The following C19orf44 variants were observed in gnomAD, a reference collection of about 807,000 sequenced individuals.
C19orf44 encodes chromosome 19 open reading frame 44.
In C19orf44, 43 loss-of-function variants were observed where a neutral mutation model predicts 50.7. The ratio of observed to expected loss-of-function variants is 0.85; its 90% CI spans 0.66 to 1.09. C19orf44 has a LOEUF of 1.09. Among genes scored for constraint, C19orf44 ranks in the 50% least tolerant of loss-of-function variants. C19orf44 has a pLI of 0.00. For synonymous variants in C19orf44, 298 were observed against 334.7 expected (o/e 0.89, Z 1.20); for missense variants, 722 against 836.2 (o/e 0.86, Z 1.68).
rs781475450 is a variant in C19orf44 at position 16,519,685 on chromosome 19, C to T, written c.*41-409C>T. The T allele has an allele frequency of 1.7e-5, 27 of 1,613,732 alleles. No individual in the cohort carries two copies. The highest frequency in any genetic ancestry group is 1.6e-4 in the Middle Eastern group (1 of 6,084). On this transcript the variant is annotated intron_variant, in intron 8 of 8. Coordinates refer to ENST00000221671, the MANE Select transcript of C19orf44 (RefSeq NM_032207.4). The surrounding 1 kb of genome is among the most constrained non-coding windows in gnomAD (Gnocchi z 6.0). ...CGAGCCTTGAGTCAGGGATGGGAGG[C>T]GCCGAATTAGAACCCAGACCAGCAG...
chr19:16,509,969 C>T lies in C19orf44; in HGVS notation c.1620C>T (p.Phe540=). Residue 540 remains phenylalanine (F), a synonymous_variant, in exon 5 of 9, where the codon TTC becomes TTT. Coordinates refer to ENST00000221671, the MANE Select transcript of C19orf44 (RefSeq NM_032207.4). ...DTAVQTPDPA[F]TYEWTKVASM... ...CTGTGCAGACGCCAGATCCTGCCTT[C>T]ACCTACGAGTGGACCAAGGGTAAGC... is the stretch of plus-strand genomic sequence containing the variant. The T allele has an allele frequency of 6.2e-7, 1 of 1,614,246 alleles. No homozygotes were observed. The highest frequency in any genetic ancestry group is 8.5e-7 in the Non-Finnish European group (1 of 1,180,048).
At chr19:16,517,838 G>GTGTC (rs2122231446) in intron 8 of C19orf44, 1 of 153,790 alleles carries the variant, frequency 6.5e-6, no homozygotes, top group South Asian at 2.0e-4. Context: ...ACCAGGACAT[G>GTGTC]TGTCTCCTCA....
Position 16,519,140 on chromosome 19 carries a change from C to T in C19orf44, c.*41-954C>T, listed in dbSNP as rs745769035. ...CAGCCGGCACCGCTGGCCACCGGCG[C>T]GGCTCCCGGCATGGGCGCCTACTTA... On this transcript the variant is annotated intron_variant, in intron 8 of 8. Coordinates refer to ENST00000221671, the MANE Select transcript of C19orf44 (RefSeq NM_032207.4). This position sits in a 1 kb window ranked among gnomAD's most constrained non-coding sequence, Gnocchi z 6.0. 58 of 1,605,152 alleles carry T rather than the reference C, an allele frequency of 3.6e-5. No individual in the cohort carries two copies. In the African/African-American group the frequency reaches 5.0e-4, roughly 14 times the overall value.
chr19:16,497,606 C>T (rs538383897), intron 1 of C19orf44, among the ~76,000 whole-genome samples: 2 of 152,128 alleles, frequency 1.3e-5, no homozygotes, highest in Non-Finnish European at 2.9e-5. Flanking sequence ...GCCTTAGCCT[C>T]CCAAAGTGCT....
In C19orf44 at chr19:16,509,615, C is replaced by T. The variant is rs751162385; in HGVS notation, c.1266C>T (p.Ala422=). The T allele has an allele frequency of 2.6e-5, 42 of 1,614,098 alleles. No homozygotes were observed. The highest frequency in any genetic ancestry group is 4.0e-5 in the African/African-American group (3 of 74,954). ...GGAGCTGGGCATCACAGGGAAAGGCCGCCTCTGCAGAGGGGGATGAGAGCG... is the reference window on the plus strand; with the variant it reads ...GGAGCTGGGCATCACAGGGAAAGGCTGCCTCTGCAGAGGGGGATGAGAGCG... The part of the protein sequence containing the change: ...QARSWASQGK[A]ASAEGDESEV... The change falls in exon 5 of 9, where the codon GCC becomes GCT. Residue 422 remains alanine, a synonymous_variant. Coordinates refer to ENST00000221671, the MANE Select transcript of C19orf44 (RefSeq NM_032207.4).
intron 4 of C19orf44, among the ~76,000 whole-genome samples, chr19:16,509,007 A>G (rs1235648127): frequency 6.6e-6 from 1 of 152,048 alleles, no homozygotes; most frequent in Non-Finnish European, 1.5e-5. Context: ...TTTGGTAGAG[A>G]CGGGGTTTCT....
rs896141998 is a variant in C19orf44, at chr19:16,505,097, G to A, written c.1076-1604G>A. On this transcript the variant is annotated intron_variant, in intron 3 of 8. Coordinates refer to ENST00000221671, the MANE Select transcript of C19orf44 (RefSeq NM_032207.4). ...CTCCCAAAGTGCTAGGATTACAGGC[G>A]TGAGCCACCGTACCTGGTGGTCAGG... 2.0e-5 allele frequency among the ~76,000 whole-genome samples: 3 copies of A among 151,836 alleles called. No homozygotes were observed. In the East Asian group the frequency reaches 5.8e-4, roughly 29 times the overall value.
At chr19:16,515,798 CTTTT>C (rs60324560) in intron 7 of C19orf44, among the ~76,000 whole-genome samples, 65 of 146,166 alleles carry the variant, frequency 4.4e-4, no homozygotes, top group Admixed American at 8.2e-4. Flanking sequence ...TATTCATAAA[CTTTT>C]TTTTTTCTTT....
Position 16,501,218 on chromosome 19 carries a change from C to T in C19orf44, c.426C>T (p.Leu142=), listed in dbSNP as rs371363608. ...DRILSGGALE[L]ASQNTDKTSQ... ...TCCTCTCTGGGGGTGCACTCGAACT[C>T]GCGTCCCAGAACACAGACAAAACTT... is the stretch of plus-strand genomic sequence containing the variant. The change falls in exon 2 of 9, where the codon CTC becomes CTT. Residue 142 remains leucine (L), a synonymous_variant. Coordinates refer to ENST00000221671, the MANE Select transcript of C19orf44 (RefSeq NM_032207.4). 32 of 1,613,988 alleles carry T rather than the reference C, an allele frequency of 2.0e-5. No homozygotes were observed. Among genetic ancestry groups the T allele is most frequent in the Non-Finnish European group, 2.5e-5 (29 of 1,180,020 alleles).
intron 3 of C19orf44, among the ~76,000 whole-genome samples, chr19:16,506,182 A>G (rs541909369): frequency 2.5e-4 from 38 of 149,408 alleles, no homozygotes; most frequent in Non-Finnish European, 5.0e-4. Context: ...TCATTGTGTT[A>G]GCCAGGATGG....
intron 1 of C19orf44, among the ~76,000 whole-genome samples, chr19:16,497,471 G>A (rs568379105): frequency 1.3e-5 from 2 of 148,906 alleles, no homozygotes; most frequent in East Asian, 2.0e-4. Context: ...CTGTCTCAGC[G>A]TCCTGAGTAT....
At chr19:16,505,531 A>G (rs1188805656) in intron 3 of C19orf44, among the ~76,000 whole-genome samples, 1 of 151,144 alleles carries the variant, frequency 6.6e-6, no homozygotes, top group Admixed American at 6.6e-5. Flanking sequence ...TGTCTTTATA[A>G]AGCTTTCTCA....
rs763316132 is a variant in C19orf44, at chr19:16,519,597, G to A, written c.*41-497G>A. 34 of 1,598,848 alleles carry A rather than the reference G, an allele frequency of 2.1e-5. No homozygotes were observed. In the East Asian group the frequency reaches 6.0e-4, roughly 28 times the overall value. On this transcript the variant is annotated intron_variant, in intron 8 of 8. Transcript: ENST00000221671. The surrounding 1 kb of genome is among the most constrained non-coding windows in gnomAD (Gnocchi z 6.0). ...CAGCACGCGTGAGGACCCATCCCGC[G>A]CCCTCCCCATTCCCTCGCCTTACCC...
intron 4 of C19orf44, among the ~76,000 whole-genome samples, chr19:16,507,577 C>T (rs1162176640): frequency 2.0e-5 from 3 of 150,480 alleles, no homozygotes; most frequent in Non-Finnish European, 4.4e-5. Context: ...CTGCAACCTC[C>T]ACCTCCCGGG....
rs141344437 is a variant in C19orf44, at chr19:16,509,540, C to T, written c.1191C>T (p.Phe397=). 2.4e-5 allele frequency: 38 copies of T among 1,558,964 alleles called. No individual in the cohort carries two copies. The highest frequency in any genetic ancestry group is 3.2e-5 in the Non-Finnish European group (37 of 1,155,904). ...AQRQKTAGKI[F]RAEASTGQDA... ...GACAAAAAACAGCTGGCAAAATCTT[C>T]AGAGCCGAGGCGTCCACTGGGCAGG... Residue 397 remains phenylalanine, a synonymous_variant, in exon 5 of 9, where the codon TTC becomes TTT. Transcript: ENST00000221671.
rs1436016480 is a variant in C19orf44, at chr19:16,519,301, G to A, written c.*41-793G>A. ...ATCCCGGACGTCCCCGCCCTTGATG[G>A]GGTCCTGGATCCCTTGCTCCTTCGC... On this transcript the variant is annotated intron_variant, in intron 8 of 8. Coordinates refer to ENST00000221671, the MANE Select transcript of C19orf44 (RefSeq NM_032207.4). The surrounding 1 kb of genome is among the most constrained non-coding windows in gnomAD (Gnocchi z 6.0). The A allele has an allele frequency of 6.2e-7, 1 of 1,613,790 alleles. No individual in the cohort carries two copies. Among genetic ancestry groups the A allele is most frequent in the Non-Finnish European group, 8.5e-7 (1 of 1,180,024 alleles).
chr19:16,507,401 C>T (rs993545656), intron 4 of C19orf44, among the ~76,000 whole-genome samples: 9 of 152,082 alleles, frequency 5.9e-5, no homozygotes, highest in African/African-American at 2.2e-4. Context: ...CTGTCAGATA[C>T]ACGTGTTGGT....
At position 16,509,643 on chromosome 19, in the gene C19orf44, G is replaced by A. The variant is rs2093450646; in HGVS notation, c.1294G>A (p.Val432Ile). Residue 432 changes from valine (V) to isoleucine (I), a missense_variant, in exon 5 of 9, where the codon GTC becomes ATC. Coordinates refer to ENST00000221671, the MANE Select transcript of C19orf44 (RefSeq NM_032207.4). ...CTCTGCAGAGGGGGATGAGAGCGAGGTCTCGGAGCATCTCAGTGCCAGCTC... is the reference window on the plus strand; with the variant it reads ...CTCTGCAGAGGGGGATGAGAGCGAGATCTCGGAGCATCTCAGTGCCAGCTC... ...AASAEGDESE[V>I]SEHLSASSAS... 5.6e-6 allele frequency: 9 copies of A among 1,614,248 alleles called. No individual in the cohort carries two copies. Among genetic ancestry groups the A allele is most frequent in the Non-Finnish European group, 7.6e-6 (9 of 1,180,050 alleles).
rs1324430743 is a variant in C19orf44, at chr19:16,509,864, G to C, written c.1515G>C (p.Val505=). ...CTTTGTCTGAATCCTCTTCAAGTGT[G>C]AAGACAGACCTTCCACAAACAGCCG... The part of the protein sequence containing the change: ...LDALSESSSS[V]KTDLPQTAES... The change falls in exon 5 of 9, where the codon GTG becomes GTC. Residue 505 remains valine (V), a synonymous_variant. Transcript: ENST00000221671. 1.9e-6 allele frequency: 3 copies of C among 1,614,132 alleles called. No homozygotes were observed. Among genetic ancestry groups the C allele is most frequent in the Non-Finnish European group, 1.7e-6 (2 of 1,180,060 alleles).
Sources: allele counts gnomAD v4.1 joint callset (sites outside exome capture counted in the v4.1 genomes callset), GRCh38; gene constraint gnomAD v4.1.1; non-coding constraint Gnocchi (gnomAD v3.1); transcripts MANE v1.5; gene names NCBI Gene and HGNC (gene_info 2026-07-23, HGNC 2026-07-21).